LPP: variants seen among roughly 807,000 people sequenced by gnomAD.
LPP encodes LIM domain containing preferred translocation partner in lipoma.
Under a neutral mutation model 60.4 loss-of-function variants are expected in LPP, and 38 were observed. That is an observed-to-expected ratio of 0.63 (90% CI 0.49 to 0.83). The LOEUF is 0.83. LPP is among the 40% of genes least tolerant of loss of function. The probability of loss-of-function intolerance (pLI) is 0.00; values close to 1 mark genes in which losing one functional copy is unlikely to be tolerated. For missense variants in LPP, 902 were observed against 783.6 expected (o/e 1.15, Z -1.80); for synonymous variants, 328 against 290.8 (o/e 1.13, Z -1.30).
At chr3:188,330,867 A>G (rs201817528) in intron 2 of LPP, among the ~76,000 whole-genome samples, 1,256 of 115,206 alleles carry the variant, frequency 0.011, 12 homozygotes, top group African/African-American at 0.053. Context: ...AAGTAAATAA[A>G]TAAATAAATA....
At chr3:188,220,675 C>A (rs753199184) in intron 1 of LPP, among the ~76,000 whole-genome samples, 4 of 152,222 alleles carry the variant, frequency 2.6e-5, no homozygotes, top group Non-Finnish European at 5.9e-5. Flanking sequence ...CCAGCTTCTT[C>A]TGATTCAAGG....
chr3:188,647,890 G>C (rs1486996696), intron 7 of LPP, among the ~76,000 whole-genome samples: 1 of 152,122 alleles, frequency 6.6e-6, no homozygotes, highest in Non-Finnish European at 1.5e-5. Flanking sequence ...AAAAGCTGTG[G>C]GATATGGTCA....
chr3:188,749,272 G>C (rs905545649), intron 8 of LPP, among the ~76,000 whole-genome samples: 2 of 152,174 alleles, frequency 1.3e-5, no homozygotes, highest in Non-Finnish European at 2.9e-5. Flanking sequence ...CATCTTGAGA[G>C]AGTGCTACAC....
intron 3 of LPP, among the ~76,000 whole-genome samples, chr3:188,373,848 G>A (rs9714227): frequency 0.34 from 50,793 of 149,604 alleles, 9,953 homozygotes; most frequent in Middle Eastern, 0.59. Flanking sequence ...TAGGTCTAAC[G>A]TTTAAGTCTT....
At chr3:188,536,266 C>T (rs1216519621) in intron 6 of LPP, among the ~76,000 whole-genome samples, 1 of 152,142 alleles carries the variant, frequency 6.6e-6, no homozygotes, top group Non-Finnish European at 1.5e-5. Flanking sequence ...GCCTCGGCCT[C>T]CCAAAGTGCT....
chr3:188,508,472 T>C (rs1344901274), intron 5 of LPP, among the ~76,000 whole-genome samples: 4 of 152,258 alleles, frequency 2.6e-5, no homozygotes, highest in African/African-American at 4.8e-5. Flanking sequence ...TGCATTGCTA[T>C]AATTAATGCT....
intron 2 of LPP, among the ~76,000 whole-genome samples, chr3:188,292,805 T>C (rs2150060557): frequency 6.6e-6 from 1 of 152,324 alleles, no homozygotes; most frequent in East Asian, 1.9e-4. Flanking sequence ...CAGAAAGTGT[T>C]TCTCTTTTGA....
intron 8 of LPP, among the ~76,000 whole-genome samples, chr3:188,748,293 G>A (rs1486210254): frequency 6.6e-6 from 1 of 151,962 alleles, no homozygotes; most frequent in Non-Finnish European, 1.5e-5. Flanking sequence ...ATATATGAAT[G>A]TATGTTTGTA....
At chr3:188,784,088 C>T (rs1450678517) in intron 9 of LPP, among the ~76,000 whole-genome samples, 1 of 151,572 alleles carries the variant, frequency 6.6e-6, no homozygotes, top group Non-Finnish European at 1.5e-5. Flanking sequence ...CCACGCTTCC[C>T]CCCAAATCCC....
Position 188,875,874 on chromosome 3 carries a change from G to C in LPP, c.*1395G>C, listed in dbSNP as rs1769191895. 1 of 189,772 alleles carries C rather than the reference G, an allele frequency of 5.3e-6. No homozygotes were observed. Among genetic ancestry groups the C allele is most frequent in the Admixed American group, 6.2e-5 (1 of 16,216 alleles). The allele number at this position is 189,772 out of a possible 1,614,324, so 11.8% of individuals were successfully genotyped here. On this transcript the variant is annotated 3_prime_UTR_variant, in exon 12 of 12. Transcript: ENST00000617246. The stretch of plus-strand genomic sequence containing the variant: ...GAGACACCTAGCTTAGTCATGGCAA[G>C]TTGCCATTTTGTAAACTAAGGATTT...
intron 10 of LPP, among the ~76,000 whole-genome samples, chr3:188,868,764 G>A (rs1166830569): frequency 6.6e-6 from 1 of 152,200 alleles, no homozygotes; most frequent in Non-Finnish European, 1.5e-5. Context: ...CCTTTTGAAT[G>A]GGTCTCCTTT....
intron 1 of LPP, among the ~76,000 whole-genome samples, chr3:188,214,011 C>T (rs1269955754): frequency 7.0e-6 from 1 of 142,214 alleles, no homozygotes; most frequent in African/African-American, 2.6e-5. Flanking sequence ...CTTTTTAAGC[C>T]TACCAAAGCA....
At chr3:188,806,006 T>A (rs1343572789) in intron 9 of LPP, among the ~76,000 whole-genome samples, 1 of 151,890 alleles carries the variant, frequency 6.6e-6, no homozygotes, top group Non-Finnish European at 1.5e-5. Context: ...ATATGGTATA[T>A]CTTGGTTAAT....
At chr3:188,315,277 C>CT (rs1305207406) in intron 2 of LPP, among the ~76,000 whole-genome samples, 1 of 151,942 alleles carries the variant, frequency 6.6e-6, no homozygotes, top group Non-Finnish European at 1.5e-5. Context: ...TGGATTTCTG[C>CT]TATGTGTATC....
intron 9 of LPP, among the ~76,000 whole-genome samples, chr3:188,858,933 TA>T (rs1764495263): frequency 6.6e-6 from 1 of 151,226 alleles, no homozygotes; most frequent in South Asian, 2.1e-4. Context: ...CTGCTAAAAA[TA>T]AAAAATTAGC....
intron 2 of LPP, among the ~76,000 whole-genome samples, chr3:188,242,825 C>T (rs1031438596): frequency 1.3e-5 from 2 of 152,112 alleles, no homozygotes; most frequent in African/African-American, 2.4e-5. Context: ...ATATTGAAGA[C>T]GAATGAGGCG....
Position 188,834,324 on chromosome 3 carries a change from G to GTTTTTT in LPP, c.1411-31858_1411-31853dup, listed in dbSNP as rs71867135. ...AGGATTTTTTTGTTTCTTTTTGGGT[G>GTTTTTT]TTTTTTTTTTTTTTTTTTTTTTTGG... On this transcript the variant is annotated intron_variant, in intron 9 of 11. Transcript: ENST00000617246. Among the ~76,000 whole-genome samples, 27 of 34,092 alleles carry GTTTTTT rather than the reference G, an allele frequency of 7.9e-4. 1 individual carries two copies. Among genetic ancestry groups the GTTTTTT allele is most frequent in the African/African-American group, 2.0e-3 (15 of 7,368 alleles). 22.4% of individuals were successfully genotyped at this position (34,092 alleles called of 152,430 possible). A position where few individuals can be genotyped will look rare whatever the true frequency, so the allele number is the denominator to read the frequency against.
intron 2 of LPP, among the ~76,000 whole-genome samples, chr3:188,230,272 G>C (rs1267066079): frequency 6.6e-6 from 1 of 152,030 alleles, no homozygotes; most frequent in Non-Finnish European, 1.5e-5. Flanking sequence ...TTTTAGTAGA[G>C]ACGGGGTTTC....
At chr3:188,728,804 T>G (rs1179878929) in intron 8 of LPP, among the ~76,000 whole-genome samples, 8 of 152,094 alleles carry the variant, frequency 5.3e-5, no homozygotes, top group Non-Finnish European at 1.0e-4. Flanking sequence ...AAGTAAATAT[T>G]TATGCAGAGC....
Sources: allele counts gnomAD v4.1 joint callset (sites outside exome capture counted in the v4.1 genomes callset), GRCh38; gene constraint gnomAD v4.1.1; transcripts MANE v1.5; gene names NCBI Gene and HGNC (gene_info 2026-07-23, HGNC 2026-07-21).